The following EGLN3 variants were observed in gnomAD, a reference collection of about 807,000 sequenced individuals.
EGLN3 encodes the protein egl-9 family hypoxia inducible factor 3, also known as prolyl hydroxylase EGLN3.
EGLN3 carries 15 observed loss-of-function variants against 26.0 expected under a neutral mutation model. The ratio of observed to expected loss-of-function variants is 0.58; its 90% confidence interval spans 0.39 to 0.89. EGLN3 has a LOEUF of 0.89. Among genes scored for constraint, EGLN3 ranks in the 40% least tolerant of loss-of-function variants. The probability of loss-of-function intolerance (pLI) is 0.00; values close to 1 mark genes in which losing one functional copy is unlikely to be tolerated. For synonymous variants in EGLN3, 147 were observed against 127.2 expected (o/e 1.16, Z -1.05); for missense variants, 238 against 311.6 (o/e 0.76, Z 1.78).
chr14:33,933,071 C>T (rs776839671), intron 1 of EGLN3, among the ~76,000 whole-genome samples: 4 of 152,114 alleles, frequency 2.6e-5, no homozygotes, highest in Non-Finnish European at 5.9e-5. Flanking sequence ...ATCTTATATG[C>T]TTAAACAGCT....
intron 3 of EGLN3, among the ~76,000 whole-genome samples, chr14:33,928,862 A>G (rs956267417): frequency 1.3e-5 from 2 of 152,244 alleles, no homozygotes; most frequent in African/African-American, 4.8e-5. Context: ...AATAGAAAAC[A>G]ACTTGTTAAT....
At chr14:33,929,355 A>G in intron 2 of EGLN3, 143 bp from the exon 3 acceptor site, 1 of 1,044,078 alleles carries the variant, frequency 9.6e-7, no homozygotes, top group Non-Finnish European at 1.4e-6. Context: ...TCAACCTCAT[A>G]GTTTGTACCA....
Position 33,950,970 on chromosome 14 carries a change from A to G in EGLN3, c.-218T>C, listed in dbSNP as rs927134874. On this transcript the variant is annotated 5_prime_UTR_variant, in exon 1 of 5. Coordinates refer to ENST00000250457, the MANE Select transcript of EGLN3 (RefSeq NM_022073.4). ...TCGGGAACCAGCGGGAGTGGTGCGG[A>G]GCTCCACGACCCGTTTCCGGACTGG... is the stretch of plus-strand genomic sequence containing the variant. The G allele has an allele frequency of 2.9e-5, 17 of 584,156 alleles. No homozygotes were observed. The highest frequency in any genetic ancestry group is 1.5e-4 in the South Asian group (7 of 45,934). 36.2% of individuals were successfully genotyped at this position (584,156 alleles called of 1,614,324 possible). A position where few individuals can be genotyped will look rare whatever the true frequency, so the allele number is the denominator to read the frequency against.
chr14:33,941,409 G>GAA (rs912430192), intron 1 of EGLN3, among the ~76,000 whole-genome samples: 1 of 140,822 alleles, frequency 7.1e-6, no homozygotes. Context: ...TCGAAACTGA[G>GAA]AAAAAAAAAA....
intron 1 of EGLN3, among the ~76,000 whole-genome samples, chr14:33,935,759 T>G (rs2138817567): frequency 6.6e-6 from 1 of 152,258 alleles, no homozygotes; most frequent in East Asian, 1.9e-4. Context: ...AAACACATCC[T>G]ATCCAAAGAC....
intron 1 of EGLN3, chr14:33,948,407 C>T (rs1028695728): frequency 4.6e-5 from 7 of 152,166 alleles, no homozygotes; most frequent in African/African-American, 7.2e-5. Flanking sequence ...ATATTCCAAT[C>T]GAAAGGTGAT....
rs760600417 is a variant in EGLN3, at chr14:33,931,164, C to T, written c.409G>A (p.Asp137Asn). The T allele has an allele frequency of 6.2e-7, 1 of 1,614,196 alleles. No homozygotes were observed. The highest frequency in any genetic ancestry group is 8.5e-7 in the Non-Finnish European group (1 of 1,180,030). ...CAGCGACCATCACCGTTGGGGTTGT[C>T]CACGTGGCGAACATAACCTGTTCCA... The part of the protein sequence containing the change: ...GNGTGYVRHV[D>N]NPNGDGRCIT... The change falls in exon 2 of 5, where the codon GAC becomes AAC. Residue 137 changes from aspartate to asparagine, a missense_variant. Transcript: ENST00000250457.
At chr14:33,942,725 C>A (rs2064491808) in intron 1 of EGLN3, among the ~76,000 whole-genome samples, 1 of 152,044 alleles carries the variant, frequency 6.6e-6, no homozygotes, top group African/African-American at 2.4e-5. Context: ...TTATTTGATT[C>A]TTTGTATTCT....
At chr14:33,942,738 A>G (rs1452605158) in intron 1 of EGLN3, among the ~76,000 whole-genome samples, 1 of 152,220 alleles carries the variant, frequency 6.6e-6, no homozygotes, top group Non-Finnish European at 1.5e-5. Flanking sequence ...TGTATTCTGG[A>G]ATTATTTTTG....
At chr14:33,946,249 G>A (rs1255565041) in intron 1 of EGLN3, among the ~76,000 whole-genome samples, 3 of 152,086 alleles carry the variant, frequency 2.0e-5, no homozygotes, top group Non-Finnish European at 4.4e-5. Context: ...GGTGGCGCAC[G>A]CCTGTAATCC....
chr14:33,928,274 G>C (rs2064376448), intron 3 of EGLN3, among the ~76,000 whole-genome samples: 1 of 152,126 alleles, frequency 6.6e-6, no homozygotes, highest in African/African-American at 2.4e-5. Flanking sequence ...GGGCACATGT[G>C]ATCTTAATTT....
At chr14:33,941,257 A>C (rs1191064231) in intron 1 of EGLN3, among the ~76,000 whole-genome samples, 1 of 152,188 alleles carries the variant, frequency 6.6e-6, no homozygotes, top group Non-Finnish European at 1.5e-5. Context: ...ATGGAGGACC[A>C]TGAAACTTGC....
At chr14:33,928,979 A>G in intron 3 of EGLN3, 97 bp downstream of exon 3, 1 of 1,432,492 alleles carries the variant, frequency 7.0e-7, no homozygotes, top group Middle Eastern at 2.6e-4. Context: ...GGGTGTGGTC[A>G]ATCCCCCACA....
rs1317802015 is a variant in EGLN3 at position 33,950,769 on chromosome 14, A to C, written c.-17T>G. 6.3e-7 allele frequency: 1 copy of C among 1,588,302 alleles called. No homozygotes were observed. Among genetic ancestry groups the C allele is most frequent in the Non-Finnish European group, 8.6e-7 (1 of 1,162,364 alleles). The stretch of plus-strand genomic sequence containing the variant: ...CAGGGGCATCTCGCCCGCAGAATCG[A>C]GGTCCGGGATCCCCAGCGTGCAACC... On this transcript the variant is annotated 5_prime_UTR_variant, in exon 1 of 5. Transcript: ENST00000250457.
chr14:33,935,125 C>A (rs903133117), intron 1 of EGLN3, among the ~76,000 whole-genome samples: 1 of 152,196 alleles, frequency 6.6e-6, no homozygotes, highest in African/African-American at 2.4e-5. Flanking sequence ...GCATTTAGCT[C>A]ATTTACACCT....
chr14:33,931,015 A>C, intron 2 of EGLN3, 81 bp downstream of exon 2: 1 of 1,578,290 alleles, frequency 6.3e-7, no homozygotes, highest in Non-Finnish European at 8.6e-7. Flanking sequence ...TATGAACTCA[A>C]TATAAACTCT....
intron 1 of EGLN3, chr14:33,949,175 G>A: frequency 6.6e-6 from 1 of 152,186 alleles, no homozygotes; most frequent in Non-Finnish European, 1.5e-5. Context: ...AAGTTGTACG[G>A]CAAACTGTGA....
chr14:33,933,136 C>A lies in EGLN3; in HGVS notation c.358-1921G>T, dbSNP rs142337146. Among the ~76,000 whole-genome samples, 943 of 152,236 alleles carry A rather than the reference C, an allele frequency of 6.2e-3. 6 individuals carry two copies. Among genetic ancestry groups the A allele is most frequent in the African/African-American group, 0.022 (894 of 41,548 alleles). On this transcript the variant is annotated intron_variant, in intron 1 of 4. Coordinates refer to ENST00000250457, the MANE Select transcript of EGLN3 (RefSeq NM_022073.4). ...ATGCCTGCCATAGTTCACTCTGCAA[C>A]TAACTGTGATCCCAGGCTGTCTCTT...
In EGLN3 at chr14:33,925,579, C is replaced by A; in HGVS notation, c.*312G>T. On this transcript the variant is annotated 3_prime_UTR_variant, in exon 5 of 5. Transcript: ENST00000250457. ...CATAAAGTGCAAGTAAGGTTCATTC[C>A]CTCGCTGTGCTCCTAGGCTCTTCTC... 3.3e-6 allele frequency: 1 copy of A among 306,274 alleles called. No homozygotes were observed. Among genetic ancestry groups the A allele is most frequent in the Non-Finnish European group, 6.1e-6 (1 of 163,744 alleles). 19.0% of individuals were successfully genotyped at this position (306,274 alleles called of 1,614,324 possible).
Sources: allele counts gnomAD v4.1 joint callset (sites outside exome capture counted in the v4.1 genomes callset), GRCh38; gene constraint gnomAD v4.1.1; transcripts MANE v1.5; gene names NCBI Gene and HGNC (gene_info 2026-07-23, HGNC 2026-07-21).